Variants in DSP observed in about 807,000 individuals in gnomAD.
The protein encoded by DSP is desmoplakin, also known as 250/210 kDa paraneoplastic pemphigus antigen.
DSP carries 114 observed loss-of-function variants against 290.6 expected under a neutral mutation model. The ratio of observed to expected loss-of-function variants is 0.39; its 90% CI spans 0.34 to 0.46. DSP has a LOEUF of 0.46. Among genes scored for constraint, DSP ranks in the 20% least tolerant of loss-of-function variants. The pLI is 0.99. For synonymous variants in DSP, 1,311 were observed against 1,316.4 expected, an observed-to-expected ratio of 1.00 and a Z score of 0.09; for missense variants, 3,230 against 3,495.8, an observed-to-expected ratio of 0.92 and a Z score of 1.92.
intron 9 of DSP, 148 bp from the exon 10 acceptor site, chr6:7,567,633 C>A: frequency 7.8e-7 from 1 of 1,289,686 alleles, no homozygotes; most frequent in Non-Finnish European, 1.1e-6. Flanking sequence ...TTCCCGCTGC[C>A]ACATACCTAA....
intron 8 of DSP, 42 bp downstream of exon 8, chr6:7,566,523 AC>A: frequency 6.6e-7 from 1 of 1,519,674 alleles, no homozygotes; most frequent in Non-Finnish European, 9.1e-7. Flanking sequence ...AAAAAAAAAA[AC>A]TTTTCATAAA....
chr6:7,571,590 CTTGGGACATCTTTCTCTTTGT>C lies in DSP; in HGVS notation c.1903+7_1903+27del. 1.2e-6 allele frequency: 2 copies of C among 1,614,054 alleles called. No homozygotes were observed. The highest frequency in any genetic ancestry group is 1.7e-6 in the Non-Finnish European group (2 of 1,179,962). ...CTATCCCCAGCACCAGACAGGTCGG[CTTGGGACATCTTTCTCTTTGT>C]ATCAACCATCCATACCATTTTAAAA... is the stretch of plus-strand genomic sequence containing the variant. On this transcript the variant is annotated splice_region_variant and intron_variant, in intron 14 of 23. Coordinates refer to ENST00000379802, the MANE Select transcript of DSP (RefSeq NM_004415.4).
In DSP at chr6:7,541,863, G is replaced by C; in HGVS notation, c.-53G>C. On this transcript the variant is annotated 5_prime_UTR_variant, in exon 1 of 24. Coordinates refer to ENST00000379802, the MANE Select transcript of DSP (RefSeq NM_004415.4). ...GGCCCCCTCCGCTTTCTCCGCGCCG[G>C]CCCGCCTCGCTTATGCCTCGGCGCT... The C allele has an allele frequency of 6.4e-7, 1 of 1,560,998 alleles. No homozygotes were observed. The highest frequency in any genetic ancestry group is 8.7e-7 in the Non-Finnish European group (1 of 1,155,432).
At chr6:7,569,609 C>T (rs1232726626) in intron 12 of DSP, among the ~76,000 whole-genome samples, 1 of 151,970 alleles carries the variant, frequency 6.6e-6, no homozygotes, top group East Asian at 1.9e-4. Flanking sequence ...CCGAGGTGGG[C>T]GGATCACCTG....
intron 2 of DSP, among the ~76,000 whole-genome samples, chr6:7,557,268 C>G (rs1758529544): frequency 6.6e-6 from 1 of 152,208 alleles, no homozygotes; most frequent in African/African-American, 2.4e-5. Flanking sequence ...ACAAAGGGGT[C>G]TCTACCCAGC....
At chr6:7,562,319 A>G (rs754236241) in intron 4 of DSP, among the ~76,000 whole-genome samples, 1 of 151,862 alleles carries the variant, frequency 6.6e-6, no homozygotes, top group Non-Finnish European at 1.5e-5. Flanking sequence ...ATACATATAT[A>G]TGCACACATA....
intron 4 of DSP, 152 bp from the exon 5 acceptor site, chr6:7,562,500 T>G: frequency 7.3e-7 from 1 of 1,370,174 alleles, no homozygotes; most frequent in Non-Finnish European, 1.0e-6. Flanking sequence ...GCATTAGCCA[T>G]TTGGGAACCT....
At chr6:7,567,472 T>C in intron 9 of DSP, 23 bp downstream of exon 9, 1 of 1,593,232 alleles carries the variant, frequency 6.3e-7, no homozygotes, top group Non-Finnish European at 8.6e-7. Flanking sequence ...AGTGATAATT[T>C]TGTTGTTATT....
In DSP at chr6:7,571,413, A is replaced by C. The variant is rs761478865; in HGVS notation, c.1732A>C (p.Lys578Gln). The change falls in exon 14 of 24, where the codon AAG (lysine) becomes CAG (glutamine). Residue 578 changes from lysine (K) to glutamine (Q), a missense_variant. By Grantham distance (53) the Lys-to-Gln change is moderately conservative. Transcript: ENST00000379802. Reference protein sequence around the residue: ...LKTMRQEDYMKTIADLELHYQ... With the variant: ...LKTMRQEDYMQTIADLELHYQ... ...AACAATGCGGCAGGAAGATTACATG[A>C]AGACGATAGCCGACCTTGAGTTACA... is the stretch of plus-strand genomic sequence containing the variant. 3.1e-6 allele frequency: 5 copies of C among 1,614,080 alleles called. No individual in the cohort carries two copies. Among genetic ancestry groups the C allele is most frequent in the Non-Finnish European group, 4.2e-6 (5 of 1,180,046 alleles).
chr6:7,584,048 C>A lies in DSP; in HGVS notation c.6786C>A (p.Gly2262=). ...DFLQGSSCIA[G]IYNETTKQKL... is the part of the protein sequence containing the mutation. ...TCCAGGGTTCAAGCTGCATAGCAGGCATATACAATGAGACCACAAAACAGA... is the reference window on the plus strand; with the variant it reads ...TCCAGGGTTCAAGCTGCATAGCAGGAATATACAATGAGACCACAAAACAGA... The change falls in exon 24 of 24, where the codon GGC becomes GGA. Residue 2262 remains glycine (G), a synonymous_variant. Transcript: ENST00000379802. The surrounding 1 kb of genome is among the most constrained non-coding windows in gnomAD (Gnocchi z 6.4). 1 of 1,614,152 alleles carries A rather than the reference C, an allele frequency of 6.2e-7. No homozygotes were observed. Among genetic ancestry groups the A allele is most frequent in the Non-Finnish European group, 8.5e-7 (1 of 1,180,030 alleles).
rs747591781 is a variant in DSP, at chr6:7,567,415, A to T, written c.1106A>T (p.Asp369Val). The part of the protein sequence containing the change: ...SWILQITKCI[D>V]VHLKENAAYF... ...ATTCTTCAGATCACCAAGTGCATTG[A>T]TGTTCATCTGAAAGAAAATGCTGCC... The change falls in exon 9 of 24, where the codon GAT (aspartate) becomes GTT (valine). Residue 369 changes from aspartate to valine, a missense_variant. This residue lies in a region of DSP where 646 missense variants were observed against 684.3 expected (regional missense o/e 0.94). Transcript: ENST00000379802. 1.2e-6 allele frequency: 2 copies of T among 1,614,092 alleles called. No homozygotes were observed. Among genetic ancestry groups the T allele is most frequent in the Non-Finnish European group, 1.7e-6 (2 of 1,180,020 alleles).
At chr6:7,566,918 AAC>A (rs1227540033) in intron 8 of DSP, among the ~76,000 whole-genome samples, 2 of 152,228 alleles carry the variant, frequency 1.3e-5, no homozygotes, top group Non-Finnish European at 2.9e-5. Context: ...CTTGTTAAAA[AAC>A]ACAGAAAGTT....
chr6:7,576,383 G>A lies in DSP; in HGVS notation c.2720G>A (p.Arg907His), dbSNP rs774665110. 3.3e-5 allele frequency: 54 copies of A among 1,613,966 alleles called. No individual in the cohort carries two copies. The highest frequency in any genetic ancestry group is 6.7e-5 in the Admixed American group (4 of 60,008). Residue 907 changes from arginine (R) to histidine (H), a missense_variant, in exon 19 of 24, where the codon CGC (arginine) becomes CAC (histidine). Around this residue, in one of 5 missense-constraint regions of DSP, gnomAD observed 1,714 missense variants for 1,844.5 expected, o/e 0.93. Transcript: ENST00000379802. ...TGCAAGTGGCTCTATGATGCTAAAC[G>A]CCGCCAGGATTCCTTAGAATCCATG... is the stretch of plus-strand genomic sequence containing the variant. The part of the protein sequence containing the change: ...AFCKWLYDAK[R>H]RQDSLESMKF...
chr6:7,553,504 A>G (rs1303816212), intron 1 of DSP, among the ~76,000 whole-genome samples: 3 of 152,184 alleles, frequency 2.0e-5, no homozygotes, highest in Non-Finnish European at 2.9e-5. Context: ...GGACCTTCCT[A>G]ATTTTTTAAT....
Position 7,582,729 on chromosome 6 carries a change from G to C in DSP, c.5467G>C (p.Glu1823Gln). 1 of 1,613,714 alleles carries C rather than the reference G, an allele frequency of 6.2e-7. No individual in the cohort carries two copies. Among genetic ancestry groups the C allele is most frequent in the Non-Finnish European group, 8.5e-7 (1 of 1,179,830 alleles). Reference sequence around the variant, plus strand: ...CCTTCTGGTGAAAATCAAAGTCCTGGAGCAAGACAAGGCAAGGCTGCAGAG... The same window carrying C: ...CCTTCTGGTGAAAATCAAAGTCCTGCAGCAAGACAAGGCAAGGCTGCAGAG... ...ESLLVKIKVLEQDKARLQRLE... is the reference protein window; with the variant it reads ...ESLLVKIKVLQQDKARLQRLE... The change falls in exon 24 of 24, where the codon GAG becomes CAG. Residue 1823 changes from glutamate (E) to glutamine (Q), a missense_variant. This residue lies in a region of DSP where 1,714 missense variants were observed against 1,844.5 expected (regional missense o/e 0.93). Transcript: ENST00000379802. This position sits in a 1 kb window ranked among gnomAD's most constrained non-coding sequence, Gnocchi z 4.2.
In DSP at chr6:7,585,683, C is replaced by A. The variant is rs752007344; in HGVS notation, c.8421C>A (p.Ser2807=). The A allele has an allele frequency of 1.2e-6, 2 of 1,614,198 alleles. No homozygotes were observed. Residue 2807 remains serine, a synonymous_variant, in exon 24 of 24, where the codon TCC becomes TCA. Coordinates refer to ENST00000379802, the MANE Select transcript of DSP (RefSeq NM_004415.4). ...ITGLRLLEAA[S]VSSKGLPSPY... ...GGCTGCGCCTTCTGGAAGCCGCCTCCGTGTCGTCCAAGGGCTTACCCAGCC... is the reference window on the plus strand; with the variant it reads ...GGCTGCGCCTTCTGGAAGCCGCCTCAGTGTCGTCCAAGGGCTTACCCAGCC...
intron 1 of DSP, among the ~76,000 whole-genome samples, chr6:7,554,082 AACACACACACAC>A (rs10658102): frequency 3.9e-4 from 45 of 115,944 alleles, no homozygotes; most frequent in Middle Eastern, 4.9e-3. Context: ...CTTTCTTTAA[AACACACACACAC>A]ACACACACAC....
rs1210364302 is a variant in DSP, at chr6:7,585,892, G to A, written c.*14G>A. On this transcript the variant is annotated 3_prime_UTR_variant, in exon 24 of 24. Transcript: ENST00000379802. ...ATTGGGCACTAGTAGTCAGTTGGGA[G>A]TGGTTGCTATACCTTGACTTCATTT... 6.2e-7 allele frequency: 1 copy of A among 1,611,552 alleles called. No individual in the cohort carries two copies. The highest frequency in any genetic ancestry group is 8.5e-7 in the Non-Finnish European group (1 of 1,178,508).
intron 4 of DSP, among the ~76,000 whole-genome samples, chr6:7,561,289 C>T (rs529215752): frequency 2.6e-5 from 4 of 152,236 alleles, no homozygotes; most frequent in East Asian, 1.9e-4. Context: ...AATTGATAAG[C>T]GATGCTTTCC....
Sources: gnomAD v4.1 joint callset for allele counts (sites outside exome capture counted in the v4.1 genomes callset) on GRCh38, gnomAD v4.1.1 for gene constraint, gnomAD v4.1.1 regional missense constraint, Gnocchi (gnomAD v3.1) non-coding constraint, MANE v1.5 for transcripts, NCBI Gene and HGNC (gene_info 2026-07-23, HGNC 2026-07-21) for gene names.